The following SUGCT variants were observed in gnomAD, a reference collection of about 807,000 sequenced individuals.
SUGCT encodes the protein succinyl-CoA:glutarate-CoA transferase, also known as succinyl-CoA:glutarate CoA-transferase.
SUGCT carries 41 observed loss-of-function variants against 55.0 expected under a neutral mutation model. That is an observed-to-expected ratio of 0.74 (90% CI 0.58 to 0.97). The LOEUF is 0.97. SUGCT is among the 50% of genes least tolerant of loss of function. The pLI, the probability that SUGCT is intolerant of heterozygous loss-of-function variation, is 0.00. For synonymous variants in SUGCT, 187 were observed against 200.4 expected (o/e 0.93, Z 0.56); for missense variants, 568 against 547.8 (o/e 1.04, Z -0.37).
intron 1 of SUGCT, among the ~76,000 whole-genome samples, chr7:40,168,539 C>T (rs564949953): frequency 2.0e-5 from 3 of 152,244 alleles, no homozygotes; most frequent in African/African-American, 7.2e-5. Context: ...GTATGGCCTG[C>T]AGTGCAAAGT....
chr7:40,579,904 T>C lies in SUGCT; in HGVS notation c.1089+83518T>C, dbSNP rs184072682. On this transcript the variant is annotated intron_variant, in intron 12 of 13. Transcript: ENST00000335693. Reference sequence around the variant, plus strand: ...TAGGTAGAGTCAGCATTTCTTCCTCTTGCCTTTCCTCCTGAAATAATTCAC... The same window carrying C: ...TAGGTAGAGTCAGCATTTCTTCCTCCTGCCTTTCCTCCTGAAATAATTCAC... 5.9e-3 allele frequency among the ~76,000 whole-genome samples: 893 copies of C among 152,322 alleles called. 31 individuals are homozygous for C. Among genetic ancestry groups the C allele is most frequent in the Admixed American group, 0.054 (829 of 15,300 alleles).
intron 13 of SUGCT, among the ~76,000 whole-genome samples, chr7:40,770,181 C>G (rs1241690386): frequency 6.6e-6 from 1 of 152,110 alleles, no homozygotes; most frequent in East Asian, 1.9e-4. Context: ...GTATTGTTTC[C>G]TCTGTGGTGA....
At chr7:40,268,452 A>G (rs185113577) in intron 7 of SUGCT, among the ~76,000 whole-genome samples, 14 of 152,330 alleles carry the variant, frequency 9.2e-5, no homozygotes, top group African/African-American at 3.1e-4. Context: ...TGCCTAAAAT[A>G]TCCCACCGTA....
intron 13 of SUGCT, among the ~76,000 whole-genome samples, chr7:40,854,198 CTT>C (rs1563050259): frequency 1.3e-5 from 2 of 152,046 alleles, no homozygotes; most frequent in East Asian, 1.9e-4. Flanking sequence ...TATGATGTAA[CTT>C]ATTATTATAT....
At chr7:41,026,249 G>A in the SUGCT span, among the ~76,000 whole-genome samples, 3,858 of 152,276 alleles carry the variant, frequency 0.025, 163 homozygotes, top group African/African-American at 0.087. Flanking sequence ...GGCAACCACC[G>A]AATGGTGATG....
At chr7:40,688,795 T>G (rs1784568959) in intron 12 of SUGCT, among the ~76,000 whole-genome samples, 1 of 152,128 alleles carries the variant, frequency 6.6e-6, no homozygotes, top group African/African-American at 2.4e-5. Flanking sequence ...AAAAATAATT[T>G]ACACAAGCAC....
chr7:40,255,502 A>G (rs1352318748), intron 7 of SUGCT, among the ~76,000 whole-genome samples: 1 of 151,406 alleles, frequency 6.6e-6, no homozygotes, highest in African/African-American at 2.4e-5. Context: ...GCTCTGCTAA[A>G]ATACAAAAAT....
chr7:40,390,295 C>T (rs529830849), intron 9 of SUGCT, among the ~76,000 whole-genome samples: 1 of 152,164 alleles, frequency 6.6e-6, no homozygotes, highest in African/African-American at 2.4e-5. Context: ...GGCAATCAGG[C>T]AAGAGAAAGA....
chr7:40,737,730 T>C (rs773216532), intron 12 of SUGCT, among the ~76,000 whole-genome samples: 2 of 152,186 alleles, frequency 1.3e-5, no homozygotes, highest in East Asian at 1.9e-4. Flanking sequence ...TAAATATGCA[T>C]GTTAAGACTT....
rs1422303869 is a variant in SUGCT, at chr7:40,669,376, A to C, written c.1090-80058A>C. 2.6e-5 allele frequency among the ~76,000 whole-genome samples: 4 copies of C among 151,186 alleles called. No individual in the cohort carries two copies. The East Asian group carries it at 7.7e-4, about 29-fold the overall frequency. Reference sequence around the variant, plus strand: ...AAAAAAAAAAAAAAAAAAATTACTCATCCAACCAAGAACTAGGAATATCTC... The same window carrying C: ...AAAAAAAAAAAAAAAAAAATTACTCCTCCAACCAAGAACTAGGAATATCTC... On this transcript the variant is annotated intron_variant, in intron 12 of 13. Coordinates refer to ENST00000335693, the MANE Select transcript of SUGCT (RefSeq NM_001193313.2).
chr7:40,763,191 A>G (rs552235892), intron 13 of SUGCT, among the ~76,000 whole-genome samples: 2 of 152,254 alleles, frequency 1.3e-5, no homozygotes, highest in African/African-American at 4.8e-5. Flanking sequence ...CAATAAGGCT[A>G]GTTGTAGGGC....
At chr7:40,447,995 G>A (rs1321099949) in intron 9 of SUGCT, among the ~76,000 whole-genome samples, 1 of 152,044 alleles carries the variant, frequency 6.6e-6, no homozygotes, top group Non-Finnish European at 1.5e-5. Flanking sequence ...TCCTCCAATG[G>A]GCTAGGACTG....
chr7:40,846,657 T>G (rs1328851560), intron 13 of SUGCT, among the ~76,000 whole-genome samples: 1 of 152,184 alleles, frequency 6.6e-6, no homozygotes, highest in African/African-American at 2.4e-5. Flanking sequence ...ATGAAATATA[T>G]AAGTATTTAT....
Position 40,267,037 on chromosome 7 carries a change from C to CAAACAA in SUGCT, c.577-7473_577-7472insCAAAAA, listed in dbSNP as rs1554298727. Among the ~76,000 whole-genome samples the CAAACAA allele has an allele frequency of 9.9e-3, 861 of 86,722 alleles. 9 individuals are homozygous for CAAACAA. Among genetic ancestry groups the CAAACAA allele is most frequent in the African/African-American group, 0.036 (812 of 22,650 alleles). The allele number at this position is 86,722 out of a possible 152,430, so 56.9% of individuals were successfully genotyped here. On this transcript the variant is annotated intron_variant, in intron 7 of 13. Coordinates refer to ENST00000335693, the MANE Select transcript of SUGCT (RefSeq NM_001193313.2). Reference sequence around the variant, plus strand: ...TCTAAAAAAAACAAAAACAAACAAACAAAAAAAAAAAAGGAAGAAAAAAAG... The same window carrying CAAACAA: ...TCTAAAAAAAACAAAAACAAACAAACAAACAAAAAAAAAAAAAAGGAAGAAAAAAAG...
intron 12 of SUGCT, among the ~76,000 whole-genome samples, chr7:40,570,239 T>G (rs1455913168): frequency 1.3e-4 from 20 of 152,248 alleles, no homozygotes; most frequent in Non-Finnish European, 1.5e-5. Context: ...AAAGATTAAT[T>G]TTCCTGGAGG....
the SUGCT span, among the ~76,000 whole-genome samples, chr7:40,945,696 A>C: frequency 3.3e-5 from 5 of 152,256 alleles, no homozygotes; most frequent in Admixed American, 6.5e-5. Flanking sequence ...AACGTCTGCC[A>C]TGTGGATTAT....
At chr7:40,184,957 T>G (rs1420895911) in intron 3 of SUGCT, among the ~76,000 whole-genome samples, 1 of 152,206 alleles carries the variant, frequency 6.6e-6, no homozygotes, top group Non-Finnish European at 1.5e-5. Flanking sequence ...TAGATATTCT[T>G]AAGAGGCCAA....
rs1215068732 is a variant in SUGCT at position 40,139,574 on chromosome 7, G to T, written c.100+4454G>T. Among the ~76,000 whole-genome samples the T allele has an allele frequency of 1.3e-5, 2 of 152,120 alleles. 1 individual carries two copies. Among genetic ancestry groups the T allele is most frequent in the Admixed American group, 1.3e-4 (2 of 15,258 alleles). On this transcript the variant is annotated intron_variant, in intron 1 of 13. Coordinates refer to ENST00000335693, the MANE Select transcript of SUGCT (RefSeq NM_001193313.2). ...ATGTCCTTAGCCCATTTGTTAATGG[G>T]ATTATTTGTTTTTTGTTGTTGAGTT...
In SUGCT at chr7:40,780,756, T is replaced by TC. The variant is rs901646540; in HGVS notation, c.1153+31259_1153+31260insC. On this transcript the variant is annotated intron_variant, in intron 13 of 13. Coordinates refer to ENST00000335693, the MANE Select transcript of SUGCT (RefSeq NM_001193313.2). ...TCCTAGTGTGGGTTTTTTTTTTCTT[T>TC]TTCTTTCTTCTTCTTCTTCTTTTTT... Among the ~76,000 whole-genome samples the TC allele has an allele frequency of 2.0e-5, 3 of 150,704 alleles. 1 individual carries two copies. The highest frequency in any genetic ancestry group is 6.7e-5 in the Admixed American group (1 of 15,018).
Sources: allele counts gnomAD v4.1 joint callset (sites outside exome capture counted in the v4.1 genomes callset), GRCh38; gene constraint gnomAD v4.1.1; transcripts MANE v1.5; gene names NCBI Gene and HGNC (gene_info 2026-07-23, HGNC 2026-07-21).